Variants in RBFOX1 observed in about 807,000 individuals in gnomAD.
RBFOX1 encodes the protein RNA binding protein fox-1 homolog 1.
RBFOX1 carries 8 observed loss-of-function variants against 57.7 expected under a neutral mutation model. The ratio of observed to expected loss-of-function variants is 0.14; its 90% CI spans 0.08 to 0.25. The LOEUF (loss-of-function observed/expected upper bound fraction) is 0.25. RBFOX1 is among the 10% of genes least tolerant of loss of function. RBFOX1 has a pLI of 1.00. For missense variants in RBFOX1, 611 were observed against 548.5 expected (o/e 1.11, Z -1.14); for synonymous variants, 326 against 222.4 (o/e 1.47, Z -4.15).
intron 3 of RBFOX1, among the ~76,000 whole-genome samples, chr16:6,779,656 T>A (rs2154224967): frequency 7.0e-6 from 1 of 142,000 alleles, no homozygotes; most frequent in Admixed American, 7.9e-5. Context: ...TTCCCTCTTC[T>A]CCATATCCTT....
chr16:6,745,450 T>C (rs553927973), intron 3 of RBFOX1, among the ~76,000 whole-genome samples: 3 of 152,156 alleles, frequency 2.0e-5, no homozygotes, highest in Non-Finnish European at 2.9e-5. Flanking sequence ...GGATACTATA[T>C]CAAGAATGAG....
intron 1 of RBFOX1, among the ~76,000 whole-genome samples, chr16:6,128,351 C>T (rs11643714): frequency 0.35 from 53,670 of 151,946 alleles, 10,325 homozygotes; most frequent in Non-Finnish European, 0.44. Flanking sequence ...CTTCTGTGTC[C>T]AGCCATGATG....
intron 3 of RBFOX1, among the ~76,000 whole-genome samples, chr16:7,038,283 G>A (rs1476194968): frequency 6.6e-6 from 1 of 152,128 alleles, no homozygotes; most frequent in East Asian, 1.9e-4. Flanking sequence ...CTTAGACTGA[G>A]CAAGGGTTTG....
At position 7,595,622 on chromosome 16, in the gene RBFOX1, T is replaced by C; in HGVS notation, c.542T>C (p.Val181Ala). 6.3e-7 allele frequency: 1 copy of C among 1,583,224 alleles called. No homozygotes were observed. The highest frequency in any genetic ancestry group is 8.6e-7 in the Non-Finnish European group (1 of 1,163,148). The part of the protein sequence containing the change: ...RAREKLHGTV[V>A]EGRKIEVNNA... Reference sequence around the variant, plus strand: ...AGGGAGAAATTACACGGCACCGTGGTAGAGGGCCGTAAAATCGAGGTGCAT... The same window carrying C: ...AGGGAGAAATTACACGGCACCGTGGCAGAGGGCCGTAAAATCGAGGTGCAT... The change falls in exon 8 of 16, where the codon GTA becomes GCA. Residue 181 changes from valine to alanine, a missense_variant. Transcript: ENST00000550418.
intron 1 of RBFOX1, among the ~76,000 whole-genome samples, chr16:5,379,491 C>A (rs1325954021): frequency 6.8e-6 from 1 of 147,148 alleles, no homozygotes. Flanking sequence ...GTCATTCACA[C>A]CTTAGTCTAA....
intron 3 of RBFOX1, among the ~76,000 whole-genome samples, chr16:6,931,729 C>T (rs933046313): frequency 3.9e-5 from 6 of 152,294 alleles, no homozygotes; most frequent in Non-Finnish European, 7.3e-5. Context: ...CTCCCTGTTG[C>T]TTGTGCAGAT....
At chr16:6,007,949 A>C (rs1013886108) in intron 4 of RBFOX1, among the ~76,000 whole-genome samples, 2 of 152,308 alleles carry the variant, frequency 1.3e-5, no homozygotes, top group African/African-American at 4.8e-5. Flanking sequence ...GCAGTGGCTC[A>C]CATCTGTAAT....
At chr16:6,225,074 C>T (rs929618317) in intron 1 of RBFOX1, among the ~76,000 whole-genome samples, 12 of 150,634 alleles carry the variant, frequency 8.0e-5, no homozygotes, top group African/African-American at 2.7e-4. Context: ...TGGGGCTGTC[C>T]CCAGTCCTGT....
At chr16:7,530,418 T>C (rs1282817798) in intron 5 of RBFOX1, among the ~76,000 whole-genome samples, 1 of 152,190 alleles carries the variant, frequency 6.6e-6, no homozygotes, top group African/African-American at 2.4e-5. Context: ...TAAGTCTCTG[T>C]TTCTCTTTGC....
chr16:7,656,606 A>G (rs1161331850), intron 12 of RBFOX1, among the ~76,000 whole-genome samples: 2 of 152,316 alleles, frequency 1.3e-5, no homozygotes, highest in South Asian at 2.1e-4. Context: ...TTTTATCTCT[A>G]AATTCCTTTG....
At chr16:5,863,668 G>T (rs1330036070) in intron 3 of RBFOX1, among the ~76,000 whole-genome samples, 1 of 152,092 alleles carries the variant, frequency 6.6e-6, no homozygotes, top group African/African-American at 2.4e-5. Flanking sequence ...TACCTAGAGG[G>T]GCCTCAGTAA....
chr16:6,015,795 G>A (rs1567261071), upstream of RBFOX1, among the ~76,000 whole-genome samples: 1 of 152,112 alleles, frequency 6.6e-6, no homozygotes, highest in Non-Finnish European at 1.5e-5. Flanking sequence ...GCCATATCTG[G>A]CTATAGGCTC....
In RBFOX1 at chr16:5,697,532, A is replaced by ATTTTTTTTTTTTTTTTTTTTTT. The variant is rs374138178; in HGVS notation, c.318+98573_318+98574insTTTTTTTTTTTTTTTTTTTTTT. On this transcript the variant is annotated intron_variant, in intron 3 of 19. Transcript: ENST00000641259. Reference sequence around the variant, plus strand: ...GTTGTGGGCTTTTCTTTTCTTTTCTATTCTTTTTTTTTTTTTTTTGAGATA... The same window carrying ATTTTTTTTTTTTTTTTTTTTTT: ...GTTGTGGGCTTTTCTTTTCTTTTCTATTTTTTTTTTTTTTTTTTTTTTTTCTTTTTTTTTTTTTTTTGAGATA... 3.0e-5 allele frequency among the ~76,000 whole-genome samples: 4 copies of ATTTTTTTTTTTTTTTTTTTTTT among 133,966 alleles called. 1 individual carries two copies. The highest frequency in any genetic ancestry group is 4.7e-5 in the Non-Finnish European group (3 of 63,834). 87.9% of individuals were successfully genotyped at this position (133,966 alleles called of 152,430 possible). A position where few individuals can be genotyped will look rare whatever the true frequency, so the allele number is the denominator to read the frequency against.
At chr16:6,645,019 T>A (rs139926122) in intron 2 of RBFOX1, among the ~76,000 whole-genome samples, 1 of 152,208 alleles carries the variant, frequency 6.6e-6, no homozygotes, top group East Asian at 1.9e-4. Flanking sequence ...ACGTCCAAGT[T>A]GAAAGTGTGA....
intron 2 of RBFOX1, among the ~76,000 whole-genome samples, chr16:6,358,122 C>T (rs1214615403): frequency 2.0e-5 from 3 of 152,152 alleles, no homozygotes; most frequent in African/African-American, 7.2e-5. Flanking sequence ...TACCCTCCAA[C>T]TGTGTGGCTT....
chr16:6,930,509 A>G (rs1005692452), intron 3 of RBFOX1, among the ~76,000 whole-genome samples: 4 of 152,060 alleles, frequency 2.6e-5, no homozygotes, highest in African/African-American at 9.7e-5. Context: ...TTCTGGGTTC[A>G]GGTGATTCTC....
chr16:6,348,888 C>A (rs2085812756), intron 2 of RBFOX1, among the ~76,000 whole-genome samples: 1 of 152,058 alleles, frequency 6.6e-6, no homozygotes, highest in African/African-American at 2.4e-5. Flanking sequence ...CAGATGGCAA[C>A]CCAGGAAAAG....
intron 1 of RBFOX1, among the ~76,000 whole-genome samples, chr16:5,266,743 GA>G (rs2062868794): frequency 6.6e-6 from 1 of 151,712 alleles, no homozygotes; most frequent in African/African-American, 2.4e-5. Context: ...TTTTTGCAGA[GA>G]GGGGGGGTCT....
At chr16:6,453,661 G>A (rs775768566) in intron 2 of RBFOX1, among the ~76,000 whole-genome samples, 24 of 152,160 alleles carry the variant, frequency 1.6e-4, no homozygotes, top group African/African-American at 4.8e-4. Context: ...GAAAAAGAGG[G>A]ACTCCTCCGT....
Sources: allele counts gnomAD v4.1 joint callset (sites outside exome capture counted in the v4.1 genomes callset), GRCh38; gene constraint gnomAD v4.1.1; transcripts MANE v1.5; gene names NCBI Gene and HGNC (gene_info 2026-07-23, HGNC 2026-07-21).